Variants in DAB1 observed in about 807,000 individuals in gnomAD.
DAB1 encodes the protein disabled homolog 1.
Under a neutral mutation model 64.6 loss-of-function variants are expected in DAB1, and 15 were observed. The observed-to-expected ratio is 0.23, with a 90% CI of 0.16 to 0.36. The LOEUF (loss-of-function observed/expected upper bound fraction) is 0.36. Among genes scored for constraint, DAB1 ranks in the 10% least tolerant of loss-of-function variants. The pLI is 1.00. For missense variants in DAB1, 596 were observed against 706.7 expected, an observed-to-expected ratio of 0.84 and a Z score of 1.78; for synonymous variants, 235 against 251.9, an observed-to-expected ratio of 0.93 and a Z score of 0.64.
intron 3 of DAB1, among the ~76,000 whole-genome samples, chr1:58,390,308 G>A (rs1483777600): frequency 6.6e-6 from 1 of 152,066 alleles, no homozygotes; most frequent in Admixed American, 6.5e-5. Context: ...GGCCTCTCAG[G>A]GGACTTATTA....
intron 5 of DAB1, among the ~76,000 whole-genome samples, chr1:57,948,846 T>A (rs1038214371): frequency 6.6e-6 from 1 of 152,148 alleles, no homozygotes; most frequent in African/African-American, 2.4e-5. Context: ...GAGCCTTGGG[T>A]CTTTGTTTAG....
intron 7 of DAB1, among the ~76,000 whole-genome samples, chr1:57,630,366 C>T (rs1056638745): frequency 1.3e-5 from 2 of 152,120 alleles, no homozygotes; most frequent in Non-Finnish European, 2.9e-5. Context: ...TAACTTGCTG[C>T]AAGAGTCCAC....
Position 57,861,331 on chromosome 1 carries a change from G to A in DAB1, n.87+22668C>T, listed in dbSNP as rs535721108. On this transcript the variant is annotated intron_variant and non_coding_transcript_variant, in intron 1 of 1. Transcript: ENST00000477280. ...ACAGTTCAGGAGGCTGGAAGCCTGA[G>A]ATCAGGGTGCCAGCATGGTCAGATT... Among the ~76,000 whole-genome samples the A allele has an allele frequency of 8.5e-5, 13 of 152,344 alleles. 1 individual carries two copies. In the South Asian group the frequency reaches 2.7e-3, roughly 32 times the overall value.
At chr1:58,154,113 A>G (rs976214143) in intron 4 of DAB1, among the ~76,000 whole-genome samples, 2 of 152,102 alleles carry the variant, frequency 1.3e-5, no homozygotes, top group African/African-American at 4.8e-5. Context: ...CCAAGGATGA[A>G]GCCTTCATTT....
chr1:57,904,256 T>A (rs1364212218), intron 5 of DAB1, among the ~76,000 whole-genome samples: 1 of 152,220 alleles, frequency 6.6e-6, no homozygotes, highest in African/African-American at 2.4e-5. Context: ...GTTTCAGATC[T>A]GCATGCATTG....
chr1:58,433,115 CT>C lies in DAB1; in HGVS notation n.257+72944del, dbSNP rs148376473. Among the ~76,000 whole-genome samples the C allele has an allele frequency of 5.3e-3, 811 of 152,350 alleles. 12 individuals carry two copies. The highest frequency in any genetic ancestry group is 0.019 in the African/African-American group (782 of 41,586). The stretch of plus-strand genomic sequence containing the variant: ...CCAAGAGGGGCCTCCCACACCCCCC[CT>C]ATTTCGTTCTCACCCAGGGCACCAG... On this transcript the variant is annotated intron_variant and non_coding_transcript_variant, in intron 3 of 20. Transcript: ENST00000485760.
intron 1 of DAB1, among the ~76,000 whole-genome samples, chr1:57,365,116 T>C (rs1160941216): frequency 6.9e-6 from 1 of 144,334 alleles, no homozygotes; most frequent in African/African-American, 2.5e-5. Flanking sequence ...ATACTTTGTA[T>C]ATATAGAATA....
At chr1:58,091,299 G>T (rs952475761) in intron 5 of DAB1, among the ~76,000 whole-genome samples, 1 of 152,122 alleles carries the variant, frequency 6.6e-6, no homozygotes, top group African/African-American at 2.4e-5. Context: ...TACAGCTTTA[G>T]ATCTTAGCAG....
intron 1 of DAB1, among the ~76,000 whole-genome samples, chr1:57,421,995 G>C (rs1429660137): frequency 2.7e-5 from 4 of 150,202 alleles, no homozygotes; most frequent in Non-Finnish European, 4.4e-5. Context: ...GTGCCATCCA[G>C]AATCACTCAT....
intron 5 of DAB1, chr1:58,074,554 ATATATGTGTGTATATATATATATAT>A (rs1649496404): frequency 1.4e-5 from 1 of 72,470 alleles, no homozygotes; most frequent in African/African-American, 5.7e-5. Flanking sequence ...ACACACATAT[ATATATGTGTGTATATATATATATAT>A]ATATATATAT....
At position 58,280,583 on chromosome 1, in the gene DAB1, C is replaced by A. The variant is rs544921729; in HGVS notation, n.309+62769G>T. Reference sequence around the variant, plus strand: ...GTAATTACCCAATTTCTGGTAGAATCTTTTACAGCCTGCAAATAAAAAATG... The same window carrying A: ...GTAATTACCCAATTTCTGGTAGAATATTTTACAGCCTGCAAATAAAAAATG... On this transcript the variant is annotated intron_variant and non_coding_transcript_variant, in intron 4 of 20. Transcript: ENST00000485760. Among the ~76,000 whole-genome samples, 127 of 152,284 alleles carry A rather than the reference C, an allele frequency of 8.3e-4. 1 individual carries two copies. The highest frequency in any genetic ancestry group is 2.9e-3 in the African/African-American group (121 of 41,564).
chr1:57,043,353 G>A (rs962705161), intron 9 of DAB1, among the ~76,000 whole-genome samples: 22 of 152,132 alleles, frequency 1.4e-4, no homozygotes, highest in African/African-American at 5.3e-4. Context: ...CAAGTCACAA[G>A]CTACTTTAGA....
At chr1:58,528,182 C>T (rs1646380947) in intron 1 of DAB1, among the ~76,000 whole-genome samples, 2 of 152,232 alleles carry the variant, frequency 1.3e-5, no homozygotes, top group Non-Finnish European at 2.9e-5. Flanking sequence ...ATAATGCCTT[C>T]ACTCCCCATG....
chr1:58,040,156 AGGTCCATATTACCAGT>A (rs1222350536), intron 5 of DAB1, among the ~76,000 whole-genome samples: 1 of 152,220 alleles, frequency 6.6e-6, no homozygotes, highest in Non-Finnish European at 1.5e-5. Flanking sequence ...TGTTAAGTAT[AGGTCCATATTACCAGT>A]GGTCACCCAA....
rs1244784236 is a variant in DAB1, at chr1:56,995,910, A to C, written c.*2234T>G. 6.6e-6 allele frequency: 1 copy of C among 152,190 alleles called. No individual in the cohort carries two copies. The highest frequency in any genetic ancestry group is 1.5e-5 in the Non-Finnish European group (1 of 68,040). 9.4% of individuals were successfully genotyped at this position (152,190 alleles called of 1,614,324 possible). A position where few individuals can be genotyped will look rare whatever the true frequency, so the allele number is the denominator to read the frequency against. On this transcript the variant is annotated 3_prime_UTR_variant, in exon 15 of 15. Transcript: ENST00000371236. ...ATAAAATGTTTGCTCATTTCTCAAGAAACTCTGTGGACCAACAGGTGATAG... is the reference window on the plus strand; with the variant it reads ...ATAAAATGTTTGCTCATTTCTCAAGCAACTCTGTGGACCAACAGGTGATAG...
chr1:57,929,100 T>G (rs975111257), intron 5 of DAB1, among the ~76,000 whole-genome samples: 2 of 152,204 alleles, frequency 1.3e-5, no homozygotes, highest in African/African-American at 2.4e-5. Flanking sequence ...TCTCCAGCAT[T>G]TAGTAGTCCC....
intron 1 of DAB1, among the ~76,000 whole-genome samples, chr1:57,296,273 T>C (rs1451288752): frequency 1.3e-5 from 2 of 152,172 alleles, no homozygotes; most frequent in African/African-American, 4.8e-5. Context: ...TCAGGATTTA[T>C]AAAATATGCA....
intron 5 of DAB1, among the ~76,000 whole-genome samples, chr1:57,947,383 C>T (rs12028282): frequency 0.37 from 56,765 of 151,966 alleles, 11,431 homozygotes; most frequent in Admixed American, 0.47. Flanking sequence ...CACTTCAGTC[C>T]GTGTACTTCA....
At chr1:57,751,776 C>T (rs17431723) in intron 6 of DAB1, among the ~76,000 whole-genome samples, 26,414 of 152,002 alleles carry the variant, frequency 0.17, 2,973 homozygotes, top group Admixed American at 0.29. Context: ...TCAGGGTTCC[C>T]TCCTCAACCA....
Sources: allele counts gnomAD v4.1 joint callset (sites outside exome capture counted in the v4.1 genomes callset), GRCh38; gene constraint gnomAD v4.1.1; transcripts MANE v1.5; gene names NCBI Gene and HGNC (gene_info 2026-07-23, HGNC 2026-07-21).